KLHDC8A: variants seen among roughly 807,000 people sequenced by gnomAD.
KLHDC8A encodes kelch domain-containing protein 8A.
A neutral mutation model predicts 33.1 loss-of-function variants in KLHDC8A; 21 were observed. That is an observed-to-expected ratio of 0.64 (90% confidence interval 0.45 to 0.91). The LOEUF (loss-of-function observed/expected upper bound fraction) is 0.91. Among genes scored for constraint, KLHDC8A ranks in the 40% least tolerant of loss-of-function variants. The pLI, the probability that KLHDC8A is intolerant of heterozygous loss-of-function variation, is 0.00. For synonymous variants in KLHDC8A, 173 were observed against 193.5 expected (o/e 0.89, Z 0.88); for missense variants, 435 against 483.3 (o/e 0.90, Z 0.94).
Position 205,356,735 on chromosome 1 carries a change from T to A in KLHDC8A, c.-392A>T, listed in dbSNP as rs905800615. ...CTGCTGCTGCCTCTGGCTGATCGAC[T>A]GGGATGCAGCCAGGCCCCTATGCAC... is the stretch of plus-strand genomic sequence containing the variant. On this transcript the variant is annotated 5_prime_UTR_variant, in exon 1 of 6. Transcript: ENST00000367155. The A allele has an allele frequency of 9.2e-5, 35 of 380,158 alleles. No individual in the cohort carries two copies. Among genetic ancestry groups the A allele is most frequent in the Non-Finnish European group, 7.4e-5 (14 of 188,580 alleles). 23.5% of individuals were successfully genotyped at this position (380,158 alleles called of 1,614,324 possible).
chr1:205,351,393 G>A (rs1157230731), intron 1 of KLHDC8A: 5 of 852,752 alleles, frequency 5.9e-6, no homozygotes, highest in East Asian at 2.4e-5. Flanking sequence ...TGGAAATGGC[G>A]ACTAGTGGAC....
chr1:205,338,463 A>C, intron 5 of KLHDC8A, 32 bp downstream of exon 5: 3 of 1,544,300 alleles, frequency 1.9e-6, no homozygotes, highest in Non-Finnish European at 2.7e-6. Context: ...CCAGAACCAC[A>C]ATAAATTCCA....
chr1:205,354,964 T>C lies in KLHDC8A; in HGVS notation c.-190+1569A>G, dbSNP rs375280432. Among the ~76,000 whole-genome samples the C allele has an allele frequency of 2.5e-3, 375 of 152,324 alleles. 23 individuals are homozygous for C. The South Asian group carries it at 0.074, about 30-fold the overall frequency. ...TTCTCCTGAAGAATTGCACTTGGTA[T>C]TTTACCTGCTGATTTCATAGGTGAC... is the stretch of plus-strand genomic sequence containing the variant. On this transcript the variant is annotated intron_variant, in intron 1 of 5. Transcript: ENST00000367155.
chr1:205,338,501 C>T lies in KLHDC8A; in HGVS notation c.853G>A (p.Gly285Arg). The stretch of plus-strand genomic sequence containing the variant: ...GTGAAAGCGCCATCCTTACCAAGTC[C>T]CCCAGCCACTATGACCCGTCCACTC... ...SLSGRVIVAG[G>R]LGNQPTVLET... The change falls in exon 5 of 6, where the codon GGA becomes AGA. Residue 285 changes from glycine to arginine, a missense_variant. Transcript: ENST00000367155. 6.2e-7 allele frequency: 1 copy of T among 1,612,738 alleles called. No individual in the cohort carries two copies. The highest frequency in any genetic ancestry group is 2.2e-5 in the East Asian group (1 of 44,866).
At chr1:205,351,265 C>T (rs1663096997) in intron 1 of KLHDC8A, 1 of 828,286 alleles carries the variant, frequency 1.2e-6, no homozygotes. Context: ...AGCTCACCCT[C>T]CCGAGCTGAA....
chr1:205,338,595 C>A lies in KLHDC8A; in HGVS notation c.759G>T (p.Gly253=), dbSNP rs761779921. The A allele has an allele frequency of 3.7e-6, 6 of 1,613,454 alleles. No homozygotes were observed. In the Middle Eastern group the frequency reaches 6.6e-4, roughly 177 times the overall value. ...ACGATCGTTCCATCTTCAGCCATCC[C>A]CCTATAGGCCATGGATAATGGTGGG... ...RTMDVFDMEQ[G]GWLKMERSFF... is the part of the protein sequence containing the mutation. The change falls in exon 5 of 6, where the codon GGG becomes GGT. Residue 253 remains glycine (G), a splice_region_variant and synonymous_variant. Coordinates refer to ENST00000367155, the MANE Select transcript of KLHDC8A (RefSeq NM_018203.3).
rs980920274 is a variant in KLHDC8A at position 205,355,540 on chromosome 1, A to G, written c.-190+993T>C. Among the ~76,000 whole-genome samples, 4 of 152,190 alleles carry G rather than the reference A, an allele frequency of 2.6e-5. No homozygotes were observed. The East Asian group carries it at 5.8e-4, about 22-fold the overall frequency. On this transcript the variant is annotated intron_variant, in intron 1 of 5. Transcript: ENST00000367155. The stretch of plus-strand genomic sequence containing the variant: ...TATTTTGTATAATTTGAACCTCATA[A>G]AAAGTCAATAATAACAATAATAATC...
chr1:205,347,665 A>C (rs1383229953), intron 1 of KLHDC8A, among the ~76,000 whole-genome samples: 1 of 152,162 alleles, frequency 6.6e-6, no homozygotes, highest in Non-Finnish European at 1.5e-5. Flanking sequence ...CAGTGAAACA[A>C]GATCGTGCCA....
intron 1 of KLHDC8A, 36 bp from the exon 2 acceptor site, chr1:205,343,829 G>T: frequency 1.9e-6 from 1 of 522,448 alleles, no homozygotes; most frequent in Non-Finnish European, 3.3e-6. Context: ...GGGCAGCTGG[G>T]GCCACGCGCC....
chr1:205,341,281 T>C (rs981911587), intron 2 of KLHDC8A, among the ~76,000 whole-genome samples: 1 of 152,240 alleles, frequency 6.6e-6, no homozygotes, highest in Middle Eastern at 3.4e-3. Context: ...TCCTCAATGC[T>C]TCTGGCTCCA....
chr1:205,353,170 A>G (rs754549665), intron 1 of KLHDC8A, among the ~76,000 whole-genome samples: 16 of 141,254 alleles, frequency 1.1e-4, no homozygotes, highest in African/African-American at 4.3e-4. Flanking sequence ...CTGAGGGCCA[A>G]CCCTGGCCTG....
chr1:205,351,415 A>G (rs1663101750), intron 1 of KLHDC8A: 1 of 838,574 alleles, frequency 1.2e-6, no homozygotes, highest in Non-Finnish European at 2.1e-6. Context: ...ACAGAACAAT[A>G]TTGGAATGGT....
chr1:205,351,194 A>G (rs547348906), intron 1 of KLHDC8A: 2 of 761,066 alleles, frequency 2.6e-6, no homozygotes, highest in East Asian at 2.5e-5. Context: ...TTTGATCATC[A>G]CTGCTCACTT....
intron 1 of KLHDC8A, 76 bp from the exon 2 acceptor site, chr1:205,343,869 C>A: frequency 4.3e-6 from 2 of 462,796 alleles, no homozygotes; most frequent in Middle Eastern, 5.6e-4. Flanking sequence ...GGCTCCGCAG[C>A]CCCTGGTCAA....
At chr1:205,350,034 A>G (rs999916704) in intron 1 of KLHDC8A, among the ~76,000 whole-genome samples, 1 of 152,144 alleles carries the variant, frequency 6.6e-6, no homozygotes, top group South Asian at 2.1e-4. Flanking sequence ...AGAAAGAAGC[A>G]TTTAGCCATA....
rs773415406 is a variant in KLHDC8A, at chr1:205,339,170, T to C, written c.757+24A>G. The C allele has an allele frequency of 1.2e-6, 2 of 1,602,792 alleles. No homozygotes were observed. Among genetic ancestry groups the C allele is most frequent in the South Asian group, 2.2e-5 (2 of 90,664 alleles). On this transcript the variant is annotated intron_variant, in intron 4 of 5. Transcript: ENST00000367155. The surrounding 1 kb of genome is among the most constrained non-coding windows in gnomAD (Gnocchi z 5.1). The stretch of plus-strand genomic sequence containing the variant: ...AGAAGGGCAGTGGGCAGCCAGAGCT[T>C]CCTGGGGAAGGTGACCAGCTCACCC...
In KLHDC8A at chr1:205,339,087, G is replaced by C. The variant is rs898198756; in HGVS notation, c.757+107C>G. On this transcript the variant is annotated intron_variant, in intron 4 of 5. Coordinates refer to ENST00000367155, the MANE Select transcript of KLHDC8A (RefSeq NM_018203.3). The surrounding 1 kb of genome is among the most constrained non-coding windows in gnomAD (Gnocchi z 5.1). ...CTGAGACTTCTGAGAAGCTTGCCCA[G>C]CTGGGTAAACGGCCCTGGAAGATGG... The C allele has an allele frequency of 1.7e-5, 15 of 885,138 alleles. No homozygotes were observed. Among genetic ancestry groups the C allele is most frequent in the Non-Finnish European group, 2.6e-5 (15 of 570,048 alleles). 54.8% of individuals were successfully genotyped at this position (885,138 alleles called of 1,614,324 possible). A position where few individuals can be genotyped will look rare whatever the true frequency, so the allele number is the denominator to read the frequency against.
Position 205,343,479 on chromosome 1 carries a change from G to GT in KLHDC8A, c.125dup (p.Asn42LysfsTer63). The GT allele has an allele frequency of 6.2e-7, 1 of 1,613,546 alleles. No homozygotes were observed. The highest frequency in any genetic ancestry group is 1.1e-5 in the South Asian group (1 of 91,090). ...CCTCGAAGCAGTCCATGGGGACGCCGTTGTCGTCACATCCCCCGATGGCAT... is the reference window on the plus strand; with the variant it reads ...CCTCGAAGCAGTCCATGGGGACGCCGTTTGTCGTCACATCCCCCGATGGCAT... On this transcript the variant is annotated frameshift_variant, in exon 2 of 6. Coordinates refer to ENST00000367155, the MANE Select transcript of KLHDC8A (RefSeq NM_018203.3). LOFTEE classifies it high-confidence loss of function.
At chr1:205,354,764 G>GGAAT (rs1033335875) in intron 1 of KLHDC8A, among the ~76,000 whole-genome samples, 5 of 152,110 alleles carry the variant, frequency 3.3e-5, no homozygotes, top group African/African-American at 2.4e-5. Flanking sequence ...AATGAATGAG[G>GGAAT]GAATGAATGA....
Sources: gnomAD v4.1 joint callset for allele counts (sites outside exome capture counted in the v4.1 genomes callset) on GRCh38, gnomAD v4.1.1 for gene constraint, Gnocchi (gnomAD v3.1) non-coding constraint, MANE v1.5 for transcripts, NCBI Gene and HGNC (gene_info 2026-07-23, HGNC 2026-07-21) for gene names.